GRHL2: variants seen among roughly 807,000 people sequenced by gnomAD.
GRHL2 encodes the protein grainyhead like transcription factor 2.
Under a neutral mutation model 83.8 loss-of-function variants are expected in GRHL2, and 21 were observed. The ratio of observed to expected loss-of-function variants is 0.25; its 90% CI spans 0.18 to 0.36. GRHL2 has a LOEUF of 0.36. Among genes scored for constraint, GRHL2 ranks in the 10% least tolerant of loss-of-function variants. GRHL2 has a pLI of 1.00. For synonymous variants in GRHL2, 280 were observed against 278.9 expected, an observed-to-expected ratio of 1.00 and a Z score of -0.04; for missense variants, 623 against 781.8, an observed-to-expected ratio of 0.80 and a Z score of 2.42.
At chr8:101,600,997 AT>A (rs1812498060) in intron 8 of GRHL2, among the ~76,000 whole-genome samples, 1 of 152,134 alleles carries the variant, frequency 6.6e-6, no homozygotes, top group Non-Finnish European at 1.5e-5. Context: ...TGTCTACAAA[AT>A]AAAAAATAAA....
chr8:101,666,231 G>A (rs1056818023), intron 15 of GRHL2, among the ~76,000 whole-genome samples: 1 of 152,170 alleles, frequency 6.6e-6, no homozygotes, highest in African/African-American at 2.4e-5. Context: ...AGGGCAACAT[G>A]GTTTACTGAA....
chr8:101,530,540 C>T (rs1810902495), intron 1 of GRHL2, among the ~76,000 whole-genome samples: 1 of 152,146 alleles, frequency 6.6e-6, no homozygotes, highest in Non-Finnish European at 1.5e-5. Flanking sequence ...ATTTCTGTTA[C>T]ATGAATCATT....
At chr8:101,641,804 G>A (rs35591604) in intron 12 of GRHL2, among the ~76,000 whole-genome samples, 14,524 of 152,026 alleles carry the variant, frequency 0.096, 1,352 homozygotes, top group African/African-American at 0.25. Flanking sequence ...GACCGCCCAC[G>A]GATACCAAAA....
intron 9 of GRHL2, among the ~76,000 whole-genome samples, chr8:101,622,202 C>G (rs1468368937): frequency 6.6e-6 from 1 of 152,130 alleles, no homozygotes; most frequent in African/African-American, 2.4e-5. Context: ...AACAGCAACA[C>G]CTTGTCAGAA....
intron 1 of GRHL2, among the ~76,000 whole-genome samples, chr8:101,508,286 C>T (rs1369281435): frequency 6.6e-6 from 1 of 151,954 alleles, no homozygotes; most frequent in Non-Finnish European, 1.5e-5. Context: ...TTCCACATTC[C>T]GTCTCTAACA....
At chr8:101,654,602 T>G (rs1451255576) in intron 14 of GRHL2, among the ~76,000 whole-genome samples, 1 of 152,150 alleles carries the variant, frequency 6.6e-6, no homozygotes, top group Non-Finnish European at 1.5e-5. Context: ...AAAAAATAAT[T>G]TTTGGCAATT....
chr8:101,629,173 C>T (rs1236239971), intron 9 of GRHL2, among the ~76,000 whole-genome samples: 5 of 152,058 alleles, frequency 3.3e-5, no homozygotes, highest in Non-Finnish European at 1.5e-5. Flanking sequence ...TCATTTTTGC[C>T]TTATTGTAAG....
chr8:101,595,152 T>C (rs769103458), intron 7 of GRHL2, among the ~76,000 whole-genome samples: 12 of 152,214 alleles, frequency 7.9e-5, no homozygotes, highest in Non-Finnish European at 1.5e-4. Context: ...GCCTGGCACA[T>C]AGAGGGCTCA....
intron 12 of GRHL2, among the ~76,000 whole-genome samples, chr8:101,639,756 A>G (rs1354974814): frequency 6.6e-6 from 1 of 152,210 alleles, no homozygotes; most frequent in African/African-American, 2.4e-5. Flanking sequence ...AGCAGATCTG[A>G]GGCCACCATA....
At chr8:101,547,119 C>G (rs193105238) in intron 2 of GRHL2, among the ~76,000 whole-genome samples, 32 of 152,184 alleles carry the variant, frequency 2.1e-4, no homozygotes, top group Non-Finnish European at 1.5e-4. Flanking sequence ...TTTTCAGTTG[C>G]CTGGGTGTTC....
intron 7 of GRHL2, among the ~76,000 whole-genome samples, chr8:101,592,787 TC>T (rs758217013): frequency 4.6e-5 from 7 of 152,324 alleles, no homozygotes; most frequent in Non-Finnish European, 1.0e-4. Flanking sequence ...TTCCATGTGT[TC>T]CCATACACTT....
At chr8:101,586,139 G>A (rs1032195666) in intron 7 of GRHL2, among the ~76,000 whole-genome samples, 3 of 144,868 alleles carry the variant, frequency 2.1e-5, no homozygotes, top group African/African-American at 7.8e-5. Context: ...GACTGCAGTG[G>A]CGCAATCTCG....
At chr8:101,518,740 A>G (rs1372171018) in intron 1 of GRHL2, among the ~76,000 whole-genome samples, 1 of 152,116 alleles carries the variant, frequency 6.6e-6, no homozygotes, top group East Asian at 1.9e-4. Flanking sequence ...TTTCTCCCAT[A>G]CTAGAAAGAC....
intron 4 of GRHL2, among the ~76,000 whole-genome samples, chr8:101,560,197 TG>T (rs1398875087): frequency 6.6e-6 from 1 of 152,012 alleles, no homozygotes; most frequent in African/African-American, 2.4e-5. Flanking sequence ...TGTGTGTGTG[TG>T]TGTGTGTTTT....
At chr8:101,666,528 T>A in intron 15 of GRHL2, 61 bp from the exon 16 acceptor site, 1 of 974,692 alleles carries the variant, frequency 1.0e-6, no homozygotes, top group Non-Finnish European at 1.7e-6. Context: ...GAGCTCCCCT[T>A]GCCCTGGGCA....
At chr8:101,630,972 C>T (rs896762233) in intron 9 of GRHL2, among the ~76,000 whole-genome samples, 1 of 151,938 alleles carries the variant, frequency 6.6e-6, no homozygotes, top group Non-Finnish European at 1.5e-5. Context: ...AAGAGGTGCC[C>T]ATGAAAAAGC....
At chr8:101,591,039 T>C (rs1374680624) in intron 7 of GRHL2, among the ~76,000 whole-genome samples, 1 of 152,162 alleles carries the variant, frequency 6.6e-6, no homozygotes, top group Non-Finnish European at 1.5e-5. Context: ...ATTTCCAGAA[T>C]CACACTTGCC....
chr8:101,670,291 C>T (rs1317694230), downstream of GRHL2, among the ~76,000 whole-genome samples: 1 of 152,292 alleles, frequency 6.6e-6, no homozygotes, highest in African/African-American at 2.4e-5. Context: ...AACTGCTGTC[C>T]ATGATTATCT....
At chr8:101,674,194 A>C (rs1563639623), downstream of GRHL2, among the ~76,000 whole-genome samples, 1 of 152,202 alleles carries the variant, frequency 6.6e-6, no homozygotes, top group South Asian at 2.1e-4. Flanking sequence ...AGAAGGCAAG[A>C]AATAACTGAA....
Sources: allele counts gnomAD v4.1 joint callset (sites outside exome capture counted in the v4.1 genomes callset), GRCh38; gene constraint gnomAD v4.1.1; transcripts MANE v1.5; gene names NCBI Gene and HGNC (gene_info 2026-07-23, HGNC 2026-07-21).